PITPNA: variants seen among roughly 807,000 people sequenced by gnomAD.
The protein encoded by PITPNA is phosphatidylinositol transfer protein alpha, also known as phosphatidylinositol transfer protein alpha isoform.
PITPNA carries 13 observed loss-of-function variants against 50.3 expected under a neutral mutation model. The ratio of observed to expected loss-of-function variants is 0.26; its 90% CI spans 0.17 to 0.41. The LOEUF (loss-of-function observed/expected upper bound fraction) is 0.41. PITPNA is among the 10% of genes least tolerant of loss of function. The pLI, the probability that PITPNA is intolerant of heterozygous loss-of-function variation, is 1.00. For missense variants in PITPNA, 207 were observed against 333.4 expected, an observed-to-expected ratio of 0.62 and a Z score of 2.95; for synonymous variants, 120 against 119.6, an observed-to-expected ratio of 1.00 and a Z score of -0.02.
At chr17:1,527,433 G>C (rs2075554084) in intron 10 of PITPNA, among the ~76,000 whole-genome samples, 1 of 151,916 alleles carries the variant, frequency 6.6e-6, no homozygotes, top group Non-Finnish European at 1.5e-5. Flanking sequence ...TTAGTAGATG[G>C]GGTTTCTCCA....
Position 1,562,783 on chromosome 17 carries a change from A to C in PITPNA, c.-223T>G, listed in dbSNP as rs1056243420. The C allele has an allele frequency of 1.9e-5, 3 of 157,246 alleles. No homozygotes were observed. Among genetic ancestry groups the C allele is most frequent in the Non-Finnish European group, 4.1e-5 (3 of 72,404 alleles). The allele number at this position is 157,246 out of a possible 1,614,324, so 9.7% of individuals were successfully genotyped here. On this transcript the variant is annotated 5_prime_UTR_variant, in exon 1 of 12. Transcript: ENST00000313486. The surrounding 1 kb of genome is among the most constrained non-coding windows in gnomAD (Gnocchi z 6.4). ...ACGCCGCCCGGAGCTCCGGTTCCGC[A>C]GCGCCGCGCGGGGGCGGGGCGTCTC...
chr17:1,529,552 A>G (rs1045857053), intron 10 of PITPNA, among the ~76,000 whole-genome samples: 3 of 151,696 alleles, frequency 2.0e-5, no homozygotes, highest in Admixed American at 6.6e-5. Flanking sequence ...CAAAAAAAAT[A>G]AAATAAAATT....
chr17:1,526,403 A>G (rs1289302754), intron 10 of PITPNA, among the ~76,000 whole-genome samples: 1 of 152,234 alleles, frequency 6.6e-6, no homozygotes, highest in Non-Finnish European at 1.5e-5. Context: ...TTTGCTCTAA[A>G]GGAATAGTCT....
At chr17:1,547,857 G>A in intron 4 of PITPNA, among the ~76,000 whole-genome samples, 1 of 151,986 alleles carries the variant, frequency 6.6e-6, no homozygotes, top group East Asian at 1.9e-4. Context: ...AGCCAGGCGT[G>A]GCGGTATGCG....
rs759750564 is a variant in PITPNA, at chr17:1,558,653, A to G, written c.21-94T>C. 382 of 873,324 alleles carry G rather than the reference A, an allele frequency of 4.4e-4. 1 individual carries two copies. Among genetic ancestry groups the G allele is most frequent in the Non-Finnish European group, 6.8e-4 (360 of 528,410 alleles). The allele number at this position is 873,324 out of a possible 1,614,324, so 54.1% of individuals were successfully genotyped here. A position where few individuals can be genotyped will look rare whatever the true frequency, so the allele number is the denominator to read the frequency against. On this transcript the variant is annotated intron_variant, in intron 1 of 11. Coordinates refer to ENST00000313486, the MANE Select transcript of PITPNA (RefSeq NM_006224.4). ...ATCCTAAAACAGTCAGCAGCATTCTATTGTGTAAGACACTAAATTCAGTGA... is the reference window on the plus strand; with the variant it reads ...ATCCTAAAACAGTCAGCAGCATTCTGTTGTGTAAGACACTAAATTCAGTGA...
intron 2 of PITPNA, 137 bp from the exon 3 acceptor site, chr17:1,553,286 G>C (rs757058303): frequency 7.5e-6 from 7 of 934,126 alleles, no homozygotes; most frequent in Non-Finnish European, 1.1e-5. Context: ...TTTCACATCA[G>C]GCCTTGCCCA....
chr17:1,558,388 G>A (rs980415004), intron 2 of PITPNA, 141 bp downstream of exon 2: 20 of 643,308 alleles, frequency 3.1e-5, no homozygotes, highest in Middle Eastern at 4.9e-4. Context: ...ACTGAAAGTG[G>A]CACCACGAAA....
chr17:1,557,890 A>G (rs534963500), intron 2 of PITPNA, among the ~76,000 whole-genome samples: 33 of 152,316 alleles, frequency 2.2e-4, no homozygotes, highest in Non-Finnish European at 1.5e-4. Flanking sequence ...CACACTTGCC[A>G]GCCGAGTCAC....
chr17:1,544,781 T>A (rs1399147815), intron 4 of PITPNA, among the ~76,000 whole-genome samples: 1 of 152,068 alleles, frequency 6.6e-6, no homozygotes, highest in African/African-American at 2.4e-5. Context: ...CTACTAAAAA[T>A]ATAAAAATTA....
At chr17:1,531,353 T>G (rs1240205553) in intron 10 of PITPNA, among the ~76,000 whole-genome samples, 3 of 151,598 alleles carry the variant, frequency 2.0e-5, no homozygotes, top group Non-Finnish European at 4.4e-5. Context: ...AACTACCGAG[T>G]ACCCTGAGGT....
At chr17:1,557,947 C>T (rs927464435) in intron 2 of PITPNA, among the ~76,000 whole-genome samples, 7 of 152,152 alleles carry the variant, frequency 4.6e-5, no homozygotes, top group Non-Finnish European at 1.0e-4. Context: ...TAATGCGTCC[C>T]CGGCCGGGTG....
intron 7 of PITPNA, among the ~76,000 whole-genome samples, chr17:1,537,539 A>G (rs915560688): frequency 5.9e-5 from 9 of 152,172 alleles, no homozygotes; most frequent in African/African-American, 2.2e-4. Flanking sequence ...AAAAATAAAT[A>G]TTCACCATCA....
chr17:1,531,708 G>C (rs1373320523), intron 10 of PITPNA, among the ~76,000 whole-genome samples: 1 of 151,796 alleles, frequency 6.6e-6, no homozygotes, highest in African/African-American at 2.4e-5. Context: ...TAGATTATTT[G>C]AAAGTATGGA....
chr17:1,543,368 C>A (rs3785966), intron 4 of PITPNA, among the ~76,000 whole-genome samples: 6 of 151,364 alleles, frequency 4.0e-5, no homozygotes, highest in East Asian at 2.0e-4. Context: ...GAGCGTTCTC[C>A]GGCGCCTCCC....
chr17:1,535,550 G>A (rs2075610806), intron 7 of PITPNA, 32 bp from the exon 8 acceptor site: 1 of 1,414,484 alleles, frequency 7.1e-7, no homozygotes, highest in Non-Finnish European at 1.0e-6. Flanking sequence ...GGGTTGGAGG[G>A]GAGTGGGAGA....
intron 5 of PITPNA, among the ~76,000 whole-genome samples, chr17:1,542,245 CA>C (rs1265861352): frequency 6.6e-6 from 1 of 151,810 alleles, no homozygotes; most frequent in Non-Finnish European, 1.5e-5. Flanking sequence ...AGTTGGGTCT[CA>C]AAACAGTTTC....
intron 7 of PITPNA, chr17:1,535,727 T>C: frequency 3.5e-6 from 2 of 576,820 alleles, no homozygotes; most frequent in South Asian, 4.0e-5. Flanking sequence ...ATAGGGTTTG[T>C]TTTCCATTTT....
chr17:1,547,829 AC>A (rs976420895), intron 4 of PITPNA, among the ~76,000 whole-genome samples: 1 of 151,980 alleles, frequency 6.6e-6, no homozygotes, highest in Non-Finnish European at 1.5e-5. Flanking sequence ...CTCTGTCTCT[AC>A]TACAATACAA....
chr17:1,524,627 T>C (rs1214988523), intron 10 of PITPNA, among the ~76,000 whole-genome samples: 1 of 151,934 alleles, frequency 6.6e-6, no homozygotes, highest in African/African-American at 2.4e-5. Context: ...AGATTTAAGA[T>C]GTGCGGTCAG....
Sources: gnomAD v4.1 joint callset for allele counts (sites outside exome capture counted in the v4.1 genomes callset) on GRCh38, gnomAD v4.1.1 for gene constraint, Gnocchi (gnomAD v3.1) non-coding constraint, MANE v1.5 for transcripts, NCBI Gene and HGNC (gene_info 2026-07-23, HGNC 2026-07-21) for gene names.